The following SYNJ1 variants were observed in gnomAD, a reference collection of about 807,000 sequenced individuals.
The protein encoded by SYNJ1 is polyphosphatidylinositol phosphatase SYNJ1.
SYNJ1 carries 78 observed loss-of-function variants against 168.2 expected under a neutral mutation model. The observed-to-expected ratio is 0.46, with a 90% CI of 0.39 to 0.56. SYNJ1 has a LOEUF of 0.56. Among genes scored for constraint, SYNJ1 ranks in the 20% least tolerant of loss-of-function variants. The pLI, the probability that SYNJ1 is intolerant of heterozygous loss-of-function variation, is 0.00. For missense variants in SYNJ1, 1,303 were observed against 1,597.6 expected, an observed-to-expected ratio of 0.82 and a Z score of 3.14; for synonymous variants, 539 against 548.6, an observed-to-expected ratio of 0.98 and a Z score of 0.24.
intron 18 of SYNJ1, among the ~76,000 whole-genome samples, chr21:32,661,120 A>C (rs2040683004): frequency 6.6e-6 from 1 of 152,224 alleles, no homozygotes; most frequent in Non-Finnish European, 1.5e-5. Flanking sequence ...GCCAGATGGG[A>C]AGGTAGCTGT....
chr21:32,643,333 G>T, intron 27 of SYNJ1, 77 bp downstream of exon 27: 1 of 1,456,600 alleles, frequency 6.9e-7, no homozygotes, highest in Non-Finnish European at 9.6e-7. Context: ...TGCAAACACT[G>T]CGGGGTGGGG....
intron 9 of SYNJ1, 35 bp from the exon 10 acceptor site, chr21:32,684,154 C>G: frequency 6.3e-7 from 1 of 1,593,894 alleles, no homozygotes; most frequent in Non-Finnish European, 8.6e-7. Flanking sequence ...CAGTTTGGAA[C>G]AAAAATAAAG....
chr21:32,682,592 T>G (rs1394710464), intron 10 of SYNJ1, among the ~76,000 whole-genome samples: 1 of 152,148 alleles, frequency 6.6e-6, no homozygotes, highest in South Asian at 2.1e-4. Flanking sequence ...CTTTATCATT[T>G]AAATCTTTCT....
At chr21:32,642,445 AACAT>A (rs956909428) in intron 27 of SYNJ1, among the ~76,000 whole-genome samples, 25 of 152,292 alleles carry the variant, frequency 1.6e-4, no homozygotes, top group African/African-American at 4.8e-4. Context: ...GAACCTTGAA[AACAT>A]ACAGTCAGCT....
chr21:32,726,926 A>C lies in SYNJ1; in HGVS notation c.-22-9T>G. The C allele has an allele frequency of 6.2e-7, 1 of 1,613,472 alleles. No individual in the cohort carries two copies. Among genetic ancestry groups the C allele is most frequent in the Non-Finnish European group, 8.5e-7 (1 of 1,179,712 alleles). On this transcript the variant is annotated splice_polypyrimidine_tract_variant and intron_variant, in intron 1 of 32. Transcript: ENST00000674351. ...TTTCTTCGGAGGCAGCCCTGCGAAA[A>C]CCAAGCAAAGCAAAGCAAATGAAGC...
intron 21 of SYNJ1, among the ~76,000 whole-genome samples, chr21:32,655,975 TTAAC>T (rs1394096626): frequency 6.6e-6 from 1 of 152,186 alleles, no homozygotes; most frequent in African/African-American, 2.4e-5. Flanking sequence ...TCAAATTTCT[TTAAC>T]TGAGGCAGGG....
chr21:32,637,657 C>T (rs556120434), intron 31 of SYNJ1, among the ~76,000 whole-genome samples: 2 of 152,232 alleles, frequency 1.3e-5, no homozygotes, highest in African/African-American at 2.4e-5. Flanking sequence ...CTCAGGCGAT[C>T]GACCCGCCAT....
Position 32,702,057 on chromosome 21 carries a change from A to G in SYNJ1, c.125-10T>C. On this transcript the variant is annotated splice_polypyrimidine_tract_variant and intron_variant, in intron 2 of 32. Transcript: ENST00000674351. ...TCTTTTTCTGCAGATGCTACAAAAA[A>G]AAGTTTTAGTTTAAGAAAAATGACC... 6.4e-7 allele frequency: 1 copy of G among 1,551,192 alleles called. No individual in the cohort carries two copies. The highest frequency in any genetic ancestry group is 8.8e-7 in the Non-Finnish European group (1 of 1,140,228).
At chr21:32,645,049 T>A in intron 25 of SYNJ1, 43 bp from the exon 26 acceptor site, 1 of 1,580,072 alleles carries the variant, frequency 6.3e-7, no homozygotes, top group Non-Finnish European at 8.6e-7. Context: ...GGAAATGACA[T>A]TAAATACAGA....
At chr21:32,664,230 T>A (rs1385354349) in intron 18 of SYNJ1, among the ~76,000 whole-genome samples, 1 of 152,198 alleles carries the variant, frequency 6.6e-6, no homozygotes, top group Non-Finnish European at 1.5e-5. Context: ...TATCAATCTG[T>A]CTTGCAAGAA....
chr21:32,637,623 T>C (rs866542105), intron 31 of SYNJ1, among the ~76,000 whole-genome samples: 15 of 152,076 alleles, frequency 9.9e-5, no homozygotes, highest in Non-Finnish European at 5.9e-5. Context: ...ACCATATTGG[T>C]CAGGCTGGTC....
Position 32,630,636 on chromosome 21 carries a change from TGA to T in SYNJ1, c.*1167_*1168del, listed in dbSNP as rs1269699214. 1 of 184,456 alleles carries T rather than the reference TGA, an allele frequency of 5.4e-6. No homozygotes were observed. Among genetic ancestry groups the T allele is most frequent in the Non-Finnish European group, 1.2e-5 (1 of 86,168 alleles). The allele number at this position is 184,456 out of a possible 1,614,324, so 11.4% of individuals were successfully genotyped here. On this transcript the variant is annotated 3_prime_UTR_variant, in exon 33 of 33. Coordinates refer to ENST00000674351, the MANE Select transcript of SYNJ1 (RefSeq NM_203446.3). Reference sequence around the variant, plus strand: ...CAAAGATACCAATTGTTAACAAGTATGAGAGGGCTGGTGGAAATGTCAGCTGA... The same window carrying T: ...CAAAGATACCAATTGTTAACAAGTATGAGGGCTGGTGGAAATGTCAGCTGA...
intron 15 of SYNJ1, among the ~76,000 whole-genome samples, chr21:32,669,102 C>G (rs2041076126): frequency 6.6e-6 from 1 of 152,116 alleles, no homozygotes; most frequent in Non-Finnish European, 1.5e-5. Context: ...GTGTGATACA[C>G]AGGAAATACA....
chr21:32,700,914 A>G (rs1452493738), intron 3 of SYNJ1, among the ~76,000 whole-genome samples: 2 of 152,248 alleles, frequency 1.3e-5, no homozygotes, highest in Non-Finnish European at 2.9e-5. Flanking sequence ...AAACTTTCAC[A>G]GAGATTTTTT....
chr21:32,635,396 C>A (rs919029302), intron 31 of SYNJ1, among the ~76,000 whole-genome samples: 9 of 152,128 alleles, frequency 5.9e-5, no homozygotes, highest in Non-Finnish European at 1.0e-4. Flanking sequence ...TCATTCCAGG[C>A]ACCACATGCA....
At position 32,645,808 on chromosome 21, in the gene SYNJ1, G is replaced by A. The variant is rs2145777077; in HGVS notation, c.3248-19C>T. ...GGAGAACCTAAAAAGCGCACAGGAG[G>A]TAAGAAGATCAGCTTCTAAGTAGCT... On this transcript the variant is annotated intron_variant, in intron 24 of 32. Transcript: ENST00000674351. 1.3e-6 allele frequency: 2 copies of A among 1,499,526 alleles called. No homozygotes were observed. Among genetic ancestry groups the A allele is most frequent in the Non-Finnish European group, 1.8e-6 (2 of 1,121,116 alleles). 92.9% of individuals were successfully genotyped at this position (1,499,526 alleles called of 1,614,324 possible).
chr21:32,655,884 A>T (rs944063140), intron 21 of SYNJ1, among the ~76,000 whole-genome samples: 3 of 152,224 alleles, frequency 2.0e-5, no homozygotes, highest in South Asian at 2.1e-4. Flanking sequence ...GGCTAGATCA[A>T]TGAGGGAAAC....
chr21:32,722,205 A>AATATAT (rs1195698677), intron 2 of SYNJ1, among the ~76,000 whole-genome samples: 72 of 65,736 alleles, frequency 1.1e-3, no homozygotes, highest in Non-Finnish European at 1.4e-3. Flanking sequence ...AAAAAAAAAA[A>AATATAT]ATATATATAT....
intron 2 of SYNJ1, among the ~76,000 whole-genome samples, chr21:32,718,276 T>C (rs1322247987): frequency 1.3e-5 from 2 of 152,176 alleles, no homozygotes; most frequent in Admixed American, 6.5e-5. Flanking sequence ...GGTGAAGAAA[T>C]GAAAGCACTT....
Sources: allele counts gnomAD v4.1 joint callset (sites outside exome capture counted in the v4.1 genomes callset), GRCh38; gene constraint gnomAD v4.1.1; transcripts MANE v1.5; gene names NCBI Gene and HGNC (gene_info 2026-07-23, HGNC 2026-07-21).